The following DDC variants were observed in gnomAD, a reference collection of about 807,000 sequenced individuals.
DDC encodes the protein dopa decarboxylase, also known as aromatic-L-amino-acid decarboxylase.
A neutral mutation model predicts 60.0 loss-of-function variants in DDC; 43 were observed. That is an observed-to-expected ratio of 0.72 (90% CI 0.56 to 0.92). The LOEUF (loss-of-function observed/expected upper bound fraction) is 0.92. DDC is among the 40% of genes least tolerant of loss of function. DDC has a pLI of 0.00. For synonymous variants in DDC, 232 were observed against 234.6 expected, an observed-to-expected ratio of 0.99 and a Z score of 0.10; for missense variants, 573 against 620.2, an observed-to-expected ratio of 0.92 and a Z score of 0.81.
chr7:50,550,329 T>C (rs577560046), intron 1 of DDC, among the ~76,000 whole-genome samples: 1 of 152,362 alleles, frequency 6.6e-6, no homozygotes, highest in East Asian at 1.9e-4. Flanking sequence ...ATACTTTTTA[T>C]ATATAATGTT....
intron 13 of DDC, among the ~76,000 whole-genome samples, chr7:50,463,683 T>C (rs562483893): frequency 1.5e-4 from 23 of 152,304 alleles, no homozygotes; most frequent in African/African-American, 5.3e-4. Flanking sequence ...GACCCTTCCA[T>C]GGTCTAAGTT....
chr7:50,524,742 A>T (rs1415468186), intron 6 of DDC, among the ~76,000 whole-genome samples: 1 of 152,204 alleles, frequency 6.6e-6, no homozygotes, highest in Non-Finnish European at 1.5e-5. Context: ...TAATACAGTC[A>T]CTCTGGAAAA....
chr7:50,527,903 T>G, intron 6 of DDC: 4 of 447,710 alleles, frequency 8.9e-6, no homozygotes, highest in East Asian at 4.4e-5. Context: ...TTCTCAAAGA[T>G]TAATTTTTTT....
chr7:50,562,841 T>C (rs1295828600), intron 1 of DDC, among the ~76,000 whole-genome samples: 1 of 152,228 alleles, frequency 6.6e-6, no homozygotes, highest in Non-Finnish European at 1.5e-5. Context: ...TTTGTTTTTC[T>C]TTGATACATG....
At chr7:50,470,296 T>G in intron 11 of DDC, 125 bp from the exon 12 acceptor site, 3 of 750,022 alleles carry the variant, frequency 4.0e-6, no homozygotes, top group Non-Finnish European at 4.8e-6. Context: ...CCTGCTCCCA[T>G]TGCCATGGCC....
At chr7:50,460,926 G>T (rs2042258733) in intron 14 of DDC, among the ~76,000 whole-genome samples, 1 of 151,384 alleles carries the variant, frequency 6.6e-6, no homozygotes, top group Admixed American at 6.6e-5. Flanking sequence ...AGGCCGCAGG[G>T]TCCTCTGCAT....
chr7:50,465,904 C>T (rs2042384883), intron 13 of DDC, among the ~76,000 whole-genome samples: 1 of 152,196 alleles, frequency 6.6e-6, no homozygotes, highest in Admixed American at 6.5e-5. Context: ...GTGTCTTGCC[C>T]TCTCGGTCCT....
intron 6 of DDC, among the ~76,000 whole-genome samples, chr7:50,521,807 A>G (rs1026456146): frequency 6.6e-6 from 1 of 152,172 alleles, no homozygotes; most frequent in Non-Finnish European, 1.5e-5. Context: ...TGATGAATGA[A>G]AAACCTACTC....
Position 50,463,363 on chromosome 7 carries a change from T to C in DDC, c.1311A>G (p.Pro437=), listed in dbSNP as rs779029594. The change falls in exon 14 of 15, where the codon CCA becomes CCG. Residue 437 remains proline, a synonymous_variant. Transcript: ENST00000444124. Reference sequence around the variant, plus strand: ...GGACAAACTTGTCCCTGAGGTGACATGGAACCAAGTGGATTTTTTTGGCAC... The same window carrying C: ...GGACAAACTTGTCCCTGAGGTGACACGGAACCAAGTGGATTTTTTTGGCAC... ...INSAKKIHLV[P]CHLRDKFVLR... 4 of 1,614,196 alleles carry C rather than the reference T, an allele frequency of 2.5e-6. No homozygotes were observed. Among genetic ancestry groups the C allele is most frequent in the South Asian group, 2.2e-5 (2 of 91,080 alleles).
chr7:50,519,951 C>CAAAAA (rs1563023039), intron 6 of DDC, among the ~76,000 whole-genome samples: 28 of 73,400 alleles, frequency 3.8e-4, no homozygotes, highest in South Asian at 1.8e-3. Flanking sequence ...ACAATCAAAA[C>CAAAAA]CAAAACAAAC....
chr7:50,559,039 C>T (rs561487963), intron 1 of DDC, among the ~76,000 whole-genome samples: 2 of 152,350 alleles, frequency 1.3e-5, no homozygotes, highest in Non-Finnish European at 2.9e-5. Flanking sequence ...CCTCTACCTC[C>T]TCCAAAGCAG....
intron 1 of DDC, among the ~76,000 whole-genome samples, chr7:50,556,250 T>A (rs2045183794): frequency 6.6e-6 from 1 of 152,172 alleles, no homozygotes; most frequent in South Asian, 2.1e-4. Flanking sequence ...TTCTTAGAGT[T>A]CTGAGGCTGG....
At chr7:50,460,608 G>A (rs915758139) in intron 14 of DDC, among the ~76,000 whole-genome samples, 1 of 151,634 alleles carries the variant, frequency 6.6e-6, no homozygotes, top group Non-Finnish European at 1.5e-5. Context: ...GGAACAGAAA[G>A]GGGGGAAAGG....
Position 50,463,275 on chromosome 7 carries a change from T to C in DDC, c.1399A>G (p.Ile467Val), listed in dbSNP as rs764135224. The change falls in exon 14 of 15, where the codon ATC (isoleucine) becomes GTC (valine). Residue 467 changes from isoleucine to valine, a missense_variant. Transcript: ENST00000444124. ...AGCACGTCGGCCGCCAGCTCTTTGA[T>C]GTGTTCCCAGGCCCGCTGCACATGG... is the stretch of plus-strand genomic sequence containing the variant. Reference protein sequence around the residue: ...SAHVQRAWEHIKELAADVLRA... With the variant: ...SAHVQRAWEHVKELAADVLRA... 8.1e-6 allele frequency: 13 copies of C among 1,614,174 alleles called. No individual in the cohort carries two copies. The South Asian group carries it at 1.4e-4, about 18-fold the overall frequency.
At chr7:50,493,153 A>G (rs1472690510) in intron 9 of DDC, 2 of 705,714 alleles carry the variant, frequency 2.8e-6, no homozygotes, top group Non-Finnish European at 4.9e-6. Flanking sequence ...GTGTCCCTCA[A>G]CACAGGGCTG....
chr7:50,527,523 A>G (rs1300944358), intron 6 of DDC, among the ~76,000 whole-genome samples: 1 of 152,166 alleles, frequency 6.6e-6, no homozygotes, highest in Non-Finnish European at 1.5e-5. Context: ...CCAAATCTTT[A>G]TTTGTTTGAC....
chr7:50,538,666 A>G (rs1420634248), intron 3 of DDC, among the ~76,000 whole-genome samples: 1 of 152,206 alleles, frequency 6.6e-6, no homozygotes, highest in Non-Finnish European at 1.5e-5. Flanking sequence ...GGGATGAGGT[A>G]TCAGGCAACG....
At position 50,510,730 on chromosome 7, in the gene DDC, A is replaced by C. The variant is rs538632206; in HGVS notation, c.715-6671T>G. Reference sequence around the variant, plus strand: ...GGCACGGTGGCTCACGCCTGTAATCACAGCACTTTGGGAGGCCAAGGCGGG... The same window carrying C: ...GGCACGGTGGCTCACGCCTGTAATCCCAGCACTTTGGGAGGCCAAGGCGGG... On this transcript the variant is annotated intron_variant, in intron 6 of 14. Coordinates refer to ENST00000444124, the MANE Select transcript of DDC (RefSeq NM_001082971.2). Among the ~76,000 whole-genome samples, 80 of 150,848 alleles carry C rather than the reference A, an allele frequency of 5.3e-4. 1 individual carries two copies. The highest frequency in any genetic ancestry group is 1.8e-3 in the East Asian group (9 of 5,088).
intron 7 of DDC, among the ~76,000 whole-genome samples, chr7:50,502,298 A>AGG (rs1467693307): frequency 6.6e-6 from 1 of 152,154 alleles, no homozygotes; most frequent in East Asian, 1.9e-4. Context: ...GGATCCATCC[A>AGG]GGGGACTGTG....
Sources: gnomAD v4.1 joint callset for allele counts (sites outside exome capture counted in the v4.1 genomes callset) on GRCh38, gnomAD v4.1.1 for gene constraint, MANE v1.5 for transcripts, NCBI Gene and HGNC (gene_info 2026-07-23, HGNC 2026-07-21) for gene names.